Variants in PCOLCE2 observed in about 807,000 individuals in gnomAD.
PCOLCE2 encodes procollagen C-proteinase enhancer 2.
PCOLCE2 carries 42 observed loss-of-function variants against 47.0 expected under a neutral mutation model. That is an observed-to-expected ratio of 0.89 (90% confidence interval 0.70 to 1.16). PCOLCE2 has a LOEUF of 1.16. PCOLCE2 is among the 50% of genes most tolerant of loss of function. The pLI is 0.00. For missense variants in PCOLCE2, 500 were observed against 526.1 expected, an observed-to-expected ratio of 0.95 and a Z score of 0.49; for synonymous variants, 169 against 191.7, an observed-to-expected ratio of 0.88 and a Z score of 0.98.
In PCOLCE2 at chr3:142,842,718, G is replaced by A. The variant is rs529843699; in HGVS notation, c.573+206C>T. 4.7e-5 allele frequency among the ~76,000 whole-genome samples: 7 copies of A among 150,346 alleles called. No individual in the cohort carries two copies. The highest frequency in any genetic ancestry group is 8.9e-5 in the Non-Finnish European group (6 of 67,766). ...CGCACCATTGCACTCCAGACAGGGC[G>A]ACAAGAGCGAAACTCTGTCTCAAAA... On this transcript the variant is annotated intron_variant, in intron 4 of 8. Transcript: ENST00000295992. The surrounding 1 kb of genome is among the most constrained non-coding windows in gnomAD (Gnocchi z 4.1).
intron 2 of PCOLCE2, among the ~76,000 whole-genome samples, chr3:142,850,169 TTTG>T (rs1428230368): frequency 1.3e-5 from 2 of 151,270 alleles, no homozygotes; most frequent in East Asian, 1.9e-4. Context: ...TGTCTTTTGC[TTTG>T]TTTTTTGTTT....
At chr3:142,831,409 T>C (rs957239438) in intron 5 of PCOLCE2, among the ~76,000 whole-genome samples, 1 of 152,214 alleles carries the variant, frequency 6.6e-6, no homozygotes, top group Non-Finnish European at 1.5e-5. Context: ...TCTCCCCAGA[T>C]GTGGTCCCTT....
chr3:142,871,454 G>T (rs1023039720), intron 2 of PCOLCE2, among the ~76,000 whole-genome samples: 1 of 152,204 alleles, frequency 6.6e-6, no homozygotes, highest in African/African-American at 2.4e-5. Context: ...CATTTTATGG[G>T]TCAACTTGGC....
At chr3:142,821,146 T>G (rs1333415568) in intron 7 of PCOLCE2, 101 bp from the exon 8 acceptor site, 2 of 927,096 alleles carry the variant, frequency 2.2e-6, no homozygotes, top group African/African-American at 3.3e-5. Flanking sequence ...TACGAAACAT[T>G]TTAATGTTAA....
At chr3:142,879,850 A>G (rs1226024752) in intron 2 of PCOLCE2, among the ~76,000 whole-genome samples, 1 of 151,940 alleles carries the variant, frequency 6.6e-6, no homozygotes, top group African/African-American at 2.4e-5. Context: ...GGGCGCCTGT[A>G]GTCCCAGCTA....
At chr3:142,829,641 C>A in intron 6 of PCOLCE2, 51 bp downstream of exon 6, 1 of 1,382,916 alleles carries the variant, frequency 7.2e-7, no homozygotes, top group Non-Finnish European at 9.8e-7. Context: ...TAAAAGAATT[C>A]TTCTTATACT....
At chr3:142,848,138 A>G (rs1429209513) in intron 3 of PCOLCE2, 79 bp downstream of exon 3, 1 of 1,429,996 alleles carries the variant, frequency 7.0e-7, no homozygotes. Flanking sequence ...CTTAAGCTTT[A>G]AAGGAGTAAA....
At chr3:142,869,413 A>G (rs1933341249) in intron 2 of PCOLCE2, among the ~76,000 whole-genome samples, 1 of 152,206 alleles carries the variant, frequency 6.6e-6, no homozygotes, top group Non-Finnish European at 1.5e-5. Context: ...ACCCCAAAAT[A>G]TATTTCTTTC....
intron 7 of PCOLCE2, among the ~76,000 whole-genome samples, chr3:142,823,257 C>T (rs1399006896): frequency 6.6e-6 from 1 of 151,968 alleles, no homozygotes; most frequent in Non-Finnish European, 1.5e-5. Flanking sequence ...AGGTTTTTTG[C>T]AGGAATAGTC....
At chr3:142,869,562 AAC>A (rs981160103) in intron 2 of PCOLCE2, among the ~76,000 whole-genome samples, 1 of 152,194 alleles carries the variant, frequency 6.6e-6, no homozygotes, top group Non-Finnish European at 1.5e-5. Flanking sequence ...TCTGATAAAA[AAC>A]ACAGTCTATC....
At chr3:142,877,636 C>A (rs551720498) in intron 2 of PCOLCE2, among the ~76,000 whole-genome samples, 2 of 152,222 alleles carry the variant, frequency 1.3e-5, no homozygotes, top group African/African-American at 4.8e-5. Context: ...TTAGAAAGTC[C>A]CAGAAACTTA....
In PCOLCE2 at chr3:142,842,751, A is replaced by G. The variant is rs1332600472; in HGVS notation, c.573+173T>C. On this transcript the variant is annotated intron_variant, in intron 4 of 8. Transcript: ENST00000295992. This position sits in a 1 kb window ranked among gnomAD's most constrained non-coding sequence, Gnocchi z 4.1. The stretch of plus-strand genomic sequence containing the variant: ...CGAAACTCTGTCTCAAAAAAAAAAA[A>G]AAATATCTGGGGTCTTCGCATGAAG... 1.3e-5 allele frequency among the ~76,000 whole-genome samples: 2 copies of G among 152,058 alleles called. No homozygotes were observed. Among genetic ancestry groups the G allele is most frequent in the Non-Finnish European group, 2.9e-5 (2 of 67,998 alleles).
At chr3:142,843,523 A>G (rs961995566) in intron 3 of PCOLCE2, among the ~76,000 whole-genome samples, 2 of 151,028 alleles carry the variant, frequency 1.3e-5, no homozygotes, top group Non-Finnish European at 3.0e-5. Flanking sequence ...TGTTTTAAGA[A>G]TAAATTTTGT....
chr3:142,861,608 C>G (rs1184824900), intron 2 of PCOLCE2, among the ~76,000 whole-genome samples: 2 of 152,144 alleles, frequency 1.3e-5, no homozygotes, highest in Non-Finnish European at 2.9e-5. Flanking sequence ...TCACATCTCC[C>G]TGAGGACGAT....
At chr3:142,849,835 G>C (rs1937370449) in intron 2 of PCOLCE2, among the ~76,000 whole-genome samples, 1 of 152,196 alleles carries the variant, frequency 6.6e-6, no homozygotes, top group Admixed American at 6.5e-5. Flanking sequence ...AGGGTCAATA[G>C]ATGCTTTGAC....
At chr3:142,850,172 GTTT>G (rs139536746) in intron 2 of PCOLCE2, among the ~76,000 whole-genome samples, 9,495 of 152,112 alleles carry the variant, frequency 0.062, 301 homozygotes, top group South Asian at 0.1. Flanking sequence ...CTTTTGCTTT[GTTT>G]TTTGTTTTGC....
At chr3:142,858,522 G>C (rs548629244) in intron 2 of PCOLCE2, among the ~76,000 whole-genome samples, 1 of 152,174 alleles carries the variant, frequency 6.6e-6, no homozygotes, top group East Asian at 1.9e-4. Flanking sequence ...ATGTGCGTGC[G>C]TGTGTGTGCG....
intron 6 of PCOLCE2, chr3:142,827,331 A>G (rs1359931063): frequency 1.3e-5 from 19 of 1,422,908 alleles, no homozygotes; most frequent in Non-Finnish European, 1.9e-5. Flanking sequence ...CAAGCCTTCA[A>G]GATGGGTTTG....
At chr3:142,885,514 G>T (rs758142729) in intron 2 of PCOLCE2, among the ~76,000 whole-genome samples, 4 of 152,218 alleles carry the variant, frequency 2.6e-5, no homozygotes, top group Admixed American at 2.6e-4. Flanking sequence ...GTAGAGCACA[G>T]TCCTGTCTGG....
Sources: gnomAD v4.1 joint callset for allele counts (sites outside exome capture counted in the v4.1 genomes callset) on GRCh38, gnomAD v4.1.1 for gene constraint, Gnocchi (gnomAD v3.1) non-coding constraint, MANE v1.5 for transcripts, NCBI Gene and HGNC (gene_info 2026-07-23, HGNC 2026-07-21) for gene names.